BOD1L1: variants seen among roughly 807,000 people sequenced by gnomAD.
The protein encoded by BOD1L1 is biorientation of chromosomes in cell division 1 like 1.
BOD1L1 carries 86 observed loss-of-function variants against 240.7 expected under a neutral mutation model. The ratio of observed to expected loss-of-function variants is 0.36; its 90% CI spans 0.30 to 0.43. The LOEUF is 0.43. Ranked by LOEUF, BOD1L1 falls within the 20% of genes least tolerant of loss-of-function variation. The probability of loss-of-function intolerance (pLI) is 1.00; values close to 1 mark genes in which losing one functional copy is unlikely to be tolerated. For missense variants in BOD1L1, 3,554 were observed against 3,643.5 expected (o/e 0.98, Z 0.63); for synonymous variants, 1,268 against 1,272.3 (o/e 1.00, Z 0.07).
intron 17 of BOD1L1, among the ~76,000 whole-genome samples, chr4:13,585,997 G>A (rs982496898): frequency 6.6e-6 from 1 of 152,176 alleles, no homozygotes; most frequent in Non-Finnish European, 1.5e-5. Context: ...CATGAGAACA[G>A]ACTAATACAG....
intron 1 of BOD1L1, chr4:13,623,917 T>A (rs1016705135): frequency 2.6e-5 from 4 of 152,306 alleles, no homozygotes; most frequent in Admixed American, 1.3e-4. Flanking sequence ...AAGTGATGGT[T>A]CTTTGCATGA....
rs754066887 is a variant in BOD1L1, at chr4:13,604,360, T to A, written c.2540A>T (p.Asp847Val). The change falls in exon 10 of 26, where the codon GAT becomes GTT. Residue 847 changes from aspartate to valine, a missense_variant. By Grantham distance (152) the Asp-to-Val change is radical. Transcript: ENST00000040738. ...CAGAGAATCTTTCTGAATTTTAGAA[T>A]CACTTGACCTTCTTGATTTGTGCTC... ...KAEHKSRRSSDSKIQKDSLGS... is the reference protein window; with the variant it reads ...KAEHKSRRSSVSKIQKDSLGS... 6.3e-7 allele frequency: 1 copy of A among 1,579,532 alleles called. No homozygotes were observed. Among genetic ancestry groups the A allele is most frequent in the Admixed American group, 2.0e-5 (1 of 50,344 alleles).
At chr4:13,605,320 C>T (rs973643202) in intron 9 of BOD1L1, among the ~76,000 whole-genome samples, 1 of 151,900 alleles carries the variant, frequency 6.6e-6, no homozygotes, top group Admixed American at 6.6e-5. Context: ...TTGCAACAAC[C>T]ATATTTTACA....
intron 11 of BOD1L1, 126 bp downstream of exon 11, chr4:13,596,978 C>G: frequency 1.3e-6 from 1 of 741,598 alleles, no homozygotes; most frequent in Non-Finnish European, 2.2e-6. Flanking sequence ...ATGGCAATAA[C>G]AACACTAAAT....
intron 19 of BOD1L1, 56 bp downstream of exon 19, chr4:13,582,181 A>T: frequency 7.1e-7 from 1 of 1,417,832 alleles, no homozygotes; most frequent in Non-Finnish European, 9.8e-7. Flanking sequence ...TAATGAATTT[A>T]ATTTGGTTAG....
At chr4:13,609,456 A>G (rs552400681) in intron 6 of BOD1L1, 50 bp from the exon 7 acceptor site, 3 of 1,184,382 alleles carry the variant, frequency 2.5e-6, no homozygotes, top group East Asian at 5.6e-5. Flanking sequence ...GCAAAAACAC[A>G]CTGAAAAATT....
At position 13,604,182 on chromosome 4, in the gene BOD1L1, C is replaced by A. The variant is rs748637117; in HGVS notation, c.2718G>T (p.Glu906Asp). 6.8e-6 allele frequency: 11 copies of A among 1,613,000 alleles called. No individual in the cohort carries two copies. In the South Asian group the frequency reaches 1.1e-4, roughly 16 times the overall value. ...TTGATTTAGACTTCAACACAAGTTT[C>A]TCTTCTAACAAGCTCTTTGTTCGTC... is the stretch of plus-strand genomic sequence containing the variant. The part of the protein sequence containing the change: ...EKRRTKSLLE[E>D]KLVLKSKSKT... The change falls in exon 10 of 26, where the codon GAG (glutamate) becomes GAT (aspartate). Residue 906 changes from glutamate to aspartate, a missense_variant. By Grantham distance (45) the Glu-to-Asp change is conservative. Coordinates refer to ENST00000040738, the MANE Select transcript of BOD1L1 (RefSeq NM_148894.3).
chr4:13,604,702 G>C lies in BOD1L1; in HGVS notation c.2198C>G (p.Thr733Ser), dbSNP rs1275721890. 6.3e-7 allele frequency: 1 copy of C among 1,596,592 alleles called. No homozygotes were observed. The highest frequency in any genetic ancestry group is 8.5e-7 in the Non-Finnish European group (1 of 1,175,888). Residue 733 changes from threonine (T) to serine (S), a missense_variant, in exon 10 of 26, where the codon ACT becomes AGT. Physicochemically the swap from Thr to Ser is moderately conservative, Grantham distance 58. This residue lies in a region of BOD1L1 where 3,393 missense variants were observed against 3,427.1 expected (regional missense o/e 0.99). Coordinates refer to ENST00000040738, the MANE Select transcript of BOD1L1 (RefSeq NM_148894.3). ...SSKEKPEREK[T>S]PSEDKLSVKH... is the part of the protein sequence containing the mutation. The stretch of plus-strand genomic sequence containing the variant: ...CACAGACAATTTGTCTTCCGATGGA[G>C]TTTTCTCTCTTTCAGGCTTCTCCTT...
chr4:13,611,345 T>C (rs77784310), intron 5 of BOD1L1, among the ~76,000 whole-genome samples: 11 of 152,194 alleles, frequency 7.2e-5, no homozygotes, highest in Non-Finnish European at 1.6e-4. Flanking sequence ...AAAAGGAAAA[T>C]TTCAGACAAA....
chr4:13,604,309 A>G lies in BOD1L1; in HGVS notation c.2591T>C (p.Leu864Ser), dbSNP rs1715486892. 1.2e-6 allele frequency: 2 copies of G among 1,600,210 alleles called. No homozygotes were observed. Among genetic ancestry groups the G allele is most frequent in the South Asian group, 1.2e-5 (1 of 86,904 alleles). ...SLGSKQHGIT[L>S]QRRSESYSED... Reference sequence around the variant, plus strand: ...CGAATAACTTTCACTTCTTCTCTGTAATGTGATACCATGTTGCTTGGAACC... The same window carrying G: ...CGAATAACTTTCACTTCTTCTCTGTGATGTGATACCATGTTGCTTGGAACC... Residue 864 changes from leucine (L) to serine (S), a missense_variant, in exon 10 of 26, where the codon TTA becomes TCA. Around this residue, in one of 2 missense-constraint regions of BOD1L1, gnomAD observed 3,393 missense variants for 3,427.1 expected, o/e 0.99. Coordinates refer to ENST00000040738, the MANE Select transcript of BOD1L1 (RefSeq NM_148894.3).
At chr4:13,579,606 T>C (rs1205788536) in intron 22 of BOD1L1, among the ~76,000 whole-genome samples, 5 of 152,194 alleles carry the variant, frequency 3.3e-5, no homozygotes. Context: ...GCAAAAAATA[T>C]CTGGAAAATG....
chr4:13,621,222 T>A (rs1717012857), intron 1 of BOD1L1, among the ~76,000 whole-genome samples: 1 of 152,214 alleles, frequency 6.6e-6, no homozygotes, highest in Admixed American at 6.5e-5. Context: ...CTAGAGGCTG[T>A]CTCCCAACAC....
In BOD1L1 at chr4:13,597,183, G is replaced by A. The variant is rs1172016244; in HGVS notation, c.7955-15C>T. ...CTCTTCATTGCCTAATAAAATTCAA[G>A]CCATTTAGTACAGTTTAAGAATTTG... is the stretch of plus-strand genomic sequence containing the variant. On this transcript the variant is annotated splice_polypyrimidine_tract_variant and intron_variant, in intron 10 of 25. Coordinates refer to ENST00000040738, the MANE Select transcript of BOD1L1 (RefSeq NM_148894.3). The A allele has an allele frequency of 2.5e-6, 4 of 1,580,832 alleles. No homozygotes were observed. Among genetic ancestry groups the A allele is most frequent in the Middle Eastern group, 1.7e-4 (1 of 6,028 alleles).
rs756140605 is a variant in BOD1L1, at chr4:13,604,839, G to C, written c.2061C>G (p.Thr687=). The C allele has an allele frequency of 6.2e-6, 10 of 1,611,314 alleles. No homozygotes were observed. The South Asian group carries it at 6.7e-5, about 11-fold the overall frequency. Residue 687 remains threonine (T), a synonymous_variant, in exon 10 of 26, where the codon ACC becomes ACG. Coordinates refer to ENST00000040738, the MANE Select transcript of BOD1L1 (RefSeq NM_148894.3). ...KRQVERSEIC[T]EEPQKQKSTL... is the part of the protein sequence containing the mutation. ...TGCTTTTCTGTTTCTGGGGCTCTTC[G>C]GTGCAAATTTCTGAGCGTTCTACTT...
At chr4:13,575,741 T>TG (rs1303717720) in intron 25 of BOD1L1, among the ~76,000 whole-genome samples, 4 of 152,288 alleles carry the variant, frequency 2.6e-5, no homozygotes, top group Admixed American at 2.6e-4. Context: ...AATACAGTTA[T>TG]GTACCATTTC....
At chr4:13,612,911 C>T (rs1032280449) in intron 5 of BOD1L1, among the ~76,000 whole-genome samples, 1 of 152,116 alleles carries the variant, frequency 6.6e-6, no homozygotes, top group Admixed American at 6.6e-5. Context: ...GTGAACTTCC[C>T]TGGTTGGCAA....
In BOD1L1 at chr4:13,627,516, C is replaced by A. The variant is rs1717499601; in HGVS notation, c.72G>T (p.Gln24His). 9.5e-7 allele frequency: 1 copy of A among 1,056,914 alleles called. No homozygotes were observed. Among genetic ancestry groups the A allele is most frequent in the South Asian group, 4.4e-5 (1 of 22,716 alleles). 65.5% of individuals were successfully genotyped at this position (1,056,914 alleles called of 1,614,324 possible). The change falls in exon 1 of 26, where the codon CAG becomes CAT. Residue 24 changes from glutamine to histidine, a missense_variant. Gln to His is a conservative substitution (Grantham distance 24). Coordinates refer to ENST00000040738, the MANE Select transcript of BOD1L1 (RefSeq NM_148894.3). ...PPPPPPQPQP[Q>H]PPPPPPGPGA... ...CGGGGCCCGGCGGCGGCGGCGGTGG[C>A]TGCGGCTGCGGCTGCGGCGGGGGAG...
chr4:13,576,741 A>G, intron 25 of BOD1L1, 97 bp downstream of exon 25: 1 of 1,406,228 alleles, frequency 7.1e-7, no homozygotes. Flanking sequence ...CTGCAGCATG[A>G]ATGATTCAGT....
Position 13,600,831 on chromosome 4 carries a change from G to A in BOD1L1, c.6069C>T (p.His2023=). The A allele has an allele frequency of 6.2e-7, 1 of 1,613,782 alleles. No homozygotes were observed. Among genetic ancestry groups the A allele is most frequent in the Non-Finnish European group, 8.5e-7 (1 of 1,179,804 alleles). Residue 2023 remains histidine, a synonymous_variant, in exon 10 of 26, where the codon CAC becomes CAT. Transcript: ENST00000040738. ...CATCTTCTTTTTCACTTGGTGATGT[G>A]TGAGCAACTTCACATTCTGGGACTT... ...SGEVPECEVA[H]TSPSEKEDED...
Sources: allele counts gnomAD v4.1 joint callset (sites outside exome capture counted in the v4.1 genomes callset), GRCh38; gene constraint gnomAD v4.1.1; regional missense constraint gnomAD v4.1.1; transcripts MANE v1.5; gene names NCBI Gene and HGNC (gene_info 2026-07-23, HGNC 2026-07-21).